HECW2: variants seen among roughly 807,000 people sequenced by gnomAD.
The protein encoded by HECW2 is HECT, C2 and WW domain containing E3 ubiquitin protein ligase 2.
In HECW2, 61 loss-of-function variants were observed where a neutral mutation model predicts 175.2. The observed-to-expected ratio is 0.35, with a 90% CI of 0.28 to 0.43. HECW2 has a LOEUF of 0.43. HECW2 is among the 20% of genes least tolerant of loss of function. The probability of loss-of-function intolerance (pLI) is 1.00; values close to 1 mark genes in which losing one functional copy is unlikely to be tolerated. For missense variants in HECW2, 1,524 were observed against 2,000.5 expected, an observed-to-expected ratio of 0.76 and a Z score of 4.54; for synonymous variants, 671 against 731.0, an observed-to-expected ratio of 0.92 and a Z score of 1.32.
intron 13 of HECW2, among the ~76,000 whole-genome samples, chr2:196,304,673 CTG>C (rs1691194410): frequency 6.6e-6 from 1 of 152,148 alleles, no homozygotes; most frequent in Non-Finnish European, 1.5e-5. Context: ...TGATTTTTTT[CTG>C]TGTTACAGTG....
intron 2 of HECW2, among the ~76,000 whole-genome samples, chr2:196,390,939 T>TA (rs1694491198): frequency 6.6e-6 from 1 of 152,120 alleles, no homozygotes; most frequent in Admixed American, 6.5e-5. Context: ...TCTGCTGTCT[T>TA]ATACTCATTG....
intron 1 of HECW2, among the ~76,000 whole-genome samples, chr2:196,521,703 A>C (rs1443988158): frequency 6.9e-6 from 1 of 144,330 alleles, no homozygotes; most frequent in Non-Finnish European, 1.5e-5. Flanking sequence ...TCATTGTTCA[A>C]TTCCCACCTA....
chr2:196,223,429 G>T (rs960651653), intron 23 of HECW2, among the ~76,000 whole-genome samples: 1 of 152,010 alleles, frequency 6.6e-6, no homozygotes, highest in Admixed American at 6.6e-5. Context: ...AGCAAGAGAC[G>T]TAAAAAGGAA....
intron 1 of HECW2, chr2:196,592,590 C>G (rs1033551345): frequency 3.9e-5 from 6 of 152,366 alleles, no homozygotes; most frequent in Non-Finnish European, 5.9e-5. Context: ...GAAGCGTCCT[C>G]TCCCTCAACT....
chr2:196,474,923 T>C (rs1686508217), intron 1 of HECW2, among the ~76,000 whole-genome samples: 1 of 152,160 alleles, frequency 6.6e-6, no homozygotes, highest in African/African-American at 2.4e-5. Context: ...GCAGAAGACA[T>C]GCTATGTATC....
At chr2:196,521,346 T>G (rs565491262) in intron 1 of HECW2, among the ~76,000 whole-genome samples, 2 of 147,756 alleles carry the variant, frequency 1.4e-5, no homozygotes, top group South Asian at 2.2e-4. Flanking sequence ...AATTCATACC[T>G]AATTTTATAC....
chr2:196,268,119 T>G (rs1347555453), intron 17 of HECW2, among the ~76,000 whole-genome samples: 1 of 152,228 alleles, frequency 6.6e-6, no homozygotes, highest in African/African-American at 2.4e-5. Flanking sequence ...CAGAATGTTC[T>G]CTTAGATATA....
rs142320932 is a variant in HECW2, at chr2:196,319,102, A to G, written c.1788T>C (p.Ser596=). 8 of 1,598,392 alleles carry G rather than the reference A, an allele frequency of 5.0e-6. No homozygotes were observed. The highest frequency in any genetic ancestry group is 6.8e-6 in the Non-Finnish European group (8 of 1,172,424). The part of the protein sequence containing the change: ...DASGGSRRAV[S]ETESLDQGSE... ...AGCCCTGATCGAGAGACTCGGTCTCACTGACGGCTCTTCGGCTTCCTCCTG... is the reference window on the plus strand; with the variant it reads ...AGCCCTGATCGAGAGACTCGGTCTCGCTGACGGCTCTTCGGCTTCCTCCTG... The change falls in exon 9 of 29, where the codon AGT becomes AGC. Residue 596 remains serine (S), a synonymous_variant. Coordinates refer to ENST00000644978, the MANE Select transcript of HECW2 (RefSeq NM_001348768.2).
chr2:196,202,154 A>G (rs1464005386), intron 28 of HECW2, among the ~76,000 whole-genome samples: 1 of 152,194 alleles, frequency 6.6e-6, no homozygotes, highest in African/African-American at 2.4e-5. Flanking sequence ...CACTTTTGAC[A>G]TGAAATAGGA....
chr2:196,475,430 G>C (rs933501671), intron 1 of HECW2, among the ~76,000 whole-genome samples: 1 of 151,212 alleles, frequency 6.6e-6, no homozygotes, highest in African/African-American at 2.4e-5. Flanking sequence ...AGAGACGAGG[G>C]GAGGGAAAAA....
intron 14 of HECW2, among the ~76,000 whole-genome samples, chr2:196,281,378 C>G (rs1690177518): frequency 6.6e-6 from 1 of 152,092 alleles, no homozygotes; most frequent in South Asian, 2.1e-4. Context: ...TGGCTCACAC[C>G]TGTAATCCCA....
intron 1 of HECW2, among the ~76,000 whole-genome samples, chr2:196,530,028 T>C (rs1254850696): frequency 1.3e-5 from 2 of 152,190 alleles, no homozygotes; most frequent in Non-Finnish European, 2.9e-5. Context: ...ATGTAAAAAT[T>C]AGATTTCATA....
chr2:196,535,852 T>A (rs1370518417), intron 1 of HECW2, among the ~76,000 whole-genome samples: 1 of 152,222 alleles, frequency 6.6e-6, no homozygotes, highest in African/African-American at 2.4e-5. Flanking sequence ...AAATGGCTCA[T>A]TTTGTTATGA....
At chr2:196,238,384 T>C (rs1188058339) in intron 21 of HECW2, 1 of 152,238 alleles carries the variant, frequency 6.6e-6, no homozygotes, top group African/African-American at 2.4e-5. Context: ...GTCAGTGTGT[T>C]TGAGAAGGTG....
intron 1 of HECW2, among the ~76,000 whole-genome samples, chr2:196,529,591 A>C (rs1340650405): frequency 3.3e-5 from 5 of 152,254 alleles, no homozygotes; most frequent in African/African-American, 1.2e-4. Flanking sequence ...ATTGTTATGA[A>C]TAGATGGCCA....
chr2:196,490,172 C>A lies in HECW2; in HGVS notation c.-35-56714G>T, dbSNP rs533709311. 2.0e-5 allele frequency among the ~76,000 whole-genome samples: 3 copies of A among 152,262 alleles called. No homozygotes were observed. In the East Asian group the frequency reaches 5.8e-4, roughly 29 times the overall value. On this transcript the variant is annotated intron_variant, in intron 1 of 28. Transcript: ENST00000644978. ...ACTCCATTTGCCCTCTGGGCTTGGC[C>A]CTCCTTGGGAAGGATTTTATTTAAC...
At chr2:196,315,214 G>A (rs1691649970) in intron 10 of HECW2, among the ~76,000 whole-genome samples, 1 of 150,810 alleles carries the variant, frequency 6.6e-6, no homozygotes, top group Admixed American at 6.6e-5. Context: ...TTTAGAGGGA[G>A]GCATCTTCAC....
chr2:196,227,877 T>A (rs1687911096), intron 22 of HECW2, among the ~76,000 whole-genome samples: 1 of 152,220 alleles, frequency 6.6e-6, no homozygotes. Context: ...TAAATTGATC[T>A]TATGGAGCAG....
At chr2:196,561,158 G>A (rs979618614) in intron 1 of HECW2, among the ~76,000 whole-genome samples, 2 of 152,182 alleles carry the variant, frequency 1.3e-5, no homozygotes, top group Non-Finnish European at 2.9e-5. Context: ...ATAATTAACA[G>A]CCTTGGGAAA....
Sources: allele counts gnomAD v4.1 joint callset (sites outside exome capture counted in the v4.1 genomes callset), GRCh38; gene constraint gnomAD v4.1.1; transcripts MANE v1.5; gene names NCBI Gene and HGNC (gene_info 2026-07-23, HGNC 2026-07-21).